The following IBTK variants were observed in gnomAD, a reference collection of about 807,000 sequenced individuals.
IBTK encodes the protein BTK-binding protein.
Under a neutral mutation model 154.9 loss-of-function variants are expected in IBTK, and 83 were observed. That is an observed-to-expected ratio of 0.54 (90% CI 0.45 to 0.64). The LOEUF (loss-of-function observed/expected upper bound fraction) is 0.64, where lower values mean the gene tolerates loss of function less well. Among genes scored for constraint, IBTK ranks in the 30% least tolerant of loss-of-function variants. The pLI is 0.00. For missense variants in IBTK, 1,332 were observed against 1,584.6 expected (o/e 0.84, Z 2.71); for synonymous variants, 515 against 536.1 (o/e 0.96, Z 0.54).
intron 16 of IBTK, among the ~76,000 whole-genome samples, chr6:82,207,462 T>G (rs1201638786): frequency 6.6e-6 from 1 of 152,148 alleles, no homozygotes; most frequent in Admixed American, 6.5e-5. Flanking sequence ...GAAAGACAGC[T>G]GGTGTTAATG....
chr6:82,195,529 T>C (rs1219898653), intron 22 of IBTK, among the ~76,000 whole-genome samples: 1 of 151,800 alleles, frequency 6.6e-6, no homozygotes, highest in African/African-American at 2.4e-5. Flanking sequence ...AGTGAGCTGA[T>C]ACTATACCAC....
At chr6:82,177,784 A>G (rs1310789628) in intron 26 of IBTK, among the ~76,000 whole-genome samples, 2 of 152,156 alleles carry the variant, frequency 1.3e-5, no homozygotes, top group African/African-American at 4.8e-5. Context: ...TCCTGGCCTC[A>G]TGTGATCCGC....
At chr6:82,209,381 A>G (rs767076660) in intron 16 of IBTK, among the ~76,000 whole-genome samples, 75 of 152,256 alleles carry the variant, frequency 4.9e-4, no homozygotes, top group Non-Finnish European at 9.4e-4. Flanking sequence ...ATTTGGCAAT[A>G]AAAAACAATG....
At chr6:82,188,201 TAA>T (rs1285673602) in intron 25 of IBTK, among the ~76,000 whole-genome samples, 1 of 152,142 alleles carries the variant, frequency 6.6e-6, no homozygotes, top group Non-Finnish European at 1.5e-5. Context: ...AGTCAGAACT[TAA>T]GAGAAAACAA....
chr6:82,224,693 T>A (rs1414760606), intron 6 of IBTK, among the ~76,000 whole-genome samples: 1 of 152,200 alleles, frequency 6.6e-6, no homozygotes, highest in Non-Finnish European at 1.5e-5. Context: ...TTTGGACCCA[T>A]GTCCCCTAAC....
intron 2 of IBTK, among the ~76,000 whole-genome samples, chr6:82,238,017 G>T (rs898714673): frequency 4.6e-5 from 7 of 152,110 alleles, no homozygotes; most frequent in African/African-American, 7.2e-5. Context: ...GCTGAGGCAG[G>T]TGGATCACTT....
At chr6:82,191,434 T>A in intron 24 of IBTK, 1 of 569,100 alleles carries the variant, frequency 1.8e-6, no homozygotes, top group Non-Finnish European at 3.1e-6. Flanking sequence ...ATACTAACAA[T>A]GATCAAGTAA....
At chr6:82,191,363 T>C in intron 24 of IBTK, 147 bp from the exon 25 acceptor site, 3 of 668,164 alleles carry the variant, frequency 4.5e-6, no homozygotes, top group South Asian at 2.0e-5. Context: ...ATTTATTTCA[T>C]GTTATTTTAC....
At chr6:82,195,998 T>C (rs1448089058) in intron 22 of IBTK, among the ~76,000 whole-genome samples, 1 of 152,210 alleles carries the variant, frequency 6.6e-6, no homozygotes, top group African/African-American at 2.4e-5. Flanking sequence ...TAAATTTCAA[T>C]AATTTAGCTA....
At chr6:82,194,112 AC>A (rs1254708394) in intron 23 of IBTK, among the ~76,000 whole-genome samples, 1 of 152,190 alleles carries the variant, frequency 6.6e-6, no homozygotes, top group Non-Finnish European at 1.5e-5. Flanking sequence ...AATTTTAAAT[AC>A]CCCTTCACAT....
intron 5 of IBTK, among the ~76,000 whole-genome samples, chr6:82,226,159 T>C (rs1164187670): frequency 6.6e-6 from 1 of 152,138 alleles, no homozygotes; most frequent in African/African-American, 2.4e-5. Context: ...CAGTAATCAG[T>C]CAATAAACGA....
chr6:82,172,746 C>T, intron 27 of IBTK: 2 of 419,290 alleles, frequency 4.8e-6, no homozygotes, highest in East Asian at 4.2e-5. Context: ...TTCCAGTGAC[C>T]TACGATGAGC....
At chr6:82,205,664 G>T (rs561072630) in intron 16 of IBTK, 6 of 152,470 alleles carry the variant, frequency 3.9e-5, no homozygotes, top group African/African-American at 1.4e-4. Flanking sequence ...TACCGGGGAG[G>T]CTGAGGCACG....
In IBTK at chr6:82,191,138, T is replaced by G; in HGVS notation, c.3510A>C (p.Ser1170=). The G allele has an allele frequency of 6.2e-7, 1 of 1,609,002 alleles. No homozygotes were observed. Among genetic ancestry groups the G allele is most frequent in the South Asian group, 1.1e-5 (1 of 90,320 alleles). Residue 1170 remains serine, a synonymous_variant, in exon 25 of 29, where the codon TCA becomes TCC. Coordinates refer to ENST00000306270, the MANE Select transcript of IBTK (RefSeq NM_015525.4). ...AAACTGTTTCCATGCTATTCATTCC[T>G]GAATTGTTTTCCTTGGTAGTCAATG... ...MIALTTKENN[S]GMNSMETVLF...
chr6:82,240,369 G>A lies in IBTK; in HGVS notation c.118C>T (p.His40Tyr). Residue 40 changes from histidine to tyrosine, a missense_variant, in exon 2 of 29, where the codon CAT becomes TAT. Around this residue, in one of 3 missense-constraint regions of IBTK, gnomAD observed 84 missense variants for 96.2 expected, o/e 0.87. Transcript: ENST00000306270. ...ENQIKAFLSS[H>Y]CYNAATIKDV... is the part of the protein sequence containing the mutation. ...TTGATAGTTGCAGCATTGTAACAAT[G>A]ACTGGAGAGAAAGGCCTTAATCTGG... 1 of 1,614,166 alleles carries A rather than the reference G, an allele frequency of 6.2e-7. No homozygotes were observed. Among genetic ancestry groups the A allele is most frequent in the Non-Finnish European group, 8.5e-7 (1 of 1,180,020 alleles).
chr6:82,190,192 A>G (rs766529057), intron 25 of IBTK, among the ~76,000 whole-genome samples: 1 of 152,164 alleles, frequency 6.6e-6, no homozygotes, highest in Non-Finnish European at 1.5e-5. Flanking sequence ...TTCCATTGGT[A>G]ACATTTAGAA....
chr6:82,246,472 C>T (rs1450793945), intron 1 of IBTK, among the ~76,000 whole-genome samples: 2 of 83,452 alleles, frequency 2.4e-5, no homozygotes, highest in Non-Finnish European at 2.4e-5. Context: ...TGAGATGGTG[C>T]CACACTCAGT....
chr6:82,190,997 G>C, intron 25 of IBTK, 76 bp downstream of exon 25: 1 of 1,026,022 alleles, frequency 9.7e-7, no homozygotes, highest in Non-Finnish European at 1.3e-6. Context: ...GAAGTGGGAA[G>C]GAACTCCAAA....
At chr6:82,182,840 T>C (rs1178109867) in intron 25 of IBTK, among the ~76,000 whole-genome samples, 1 of 152,098 alleles carries the variant, frequency 6.6e-6, no homozygotes, top group African/African-American at 2.4e-5. Context: ...TTTAATATGA[T>C]GAAAGAGGTA....
Sources: gnomAD v4.1 joint callset for allele counts (sites outside exome capture counted in the v4.1 genomes callset) on GRCh38, gnomAD v4.1.1 for gene constraint, gnomAD v4.1.1 regional missense constraint, MANE v1.5 for transcripts, NCBI Gene and HGNC (gene_info 2026-07-23, HGNC 2026-07-21) for gene names.